Variants in SRRM4 observed in about 807,000 individuals in gnomAD.
The protein encoded by SRRM4 is serine/arginine repetitive matrix 4.
In SRRM4, 33 loss-of-function variants were observed where a neutral mutation model predicts 68.9. The ratio of observed to expected loss-of-function variants is 0.48; its 90% CI spans 0.36 to 0.64. SRRM4 has a LOEUF of 0.64. Among genes scored for constraint, SRRM4 ranks in the 30% least tolerant of loss-of-function variants. The probability of loss-of-function intolerance (pLI) is 0.00; values close to 1 mark genes in which losing one functional copy is unlikely to be tolerated. For missense variants in SRRM4, 817 were observed against 827.1 expected, an observed-to-expected ratio of 0.99 and a Z score of 0.15; for synonymous variants, 318 against 318.8, an observed-to-expected ratio of 1.00 and a Z score of 0.03.
intron 6 of SRRM4, 89 bp downstream of exon 6, chr12:119,122,209 T>C: frequency 1.2e-6 from 1 of 857,882 alleles, no homozygotes; most frequent in South Asian, 1.6e-5. Flanking sequence ...AGTTGCCAAA[T>C]AAACAGGGAA....
chr12:119,100,809 A>T (rs897522802), intron 1 of SRRM4, among the ~76,000 whole-genome samples: 13 of 152,172 alleles, frequency 8.5e-5, no homozygotes, highest in African/African-American at 2.9e-4. Context: ...AAAGACATGG[A>T]AAGGTAACCC....
rs796836951 is a variant in SRRM4, at chr12:118,982,685, T to G, written c.131+672T>G. 1.2e-4 allele frequency among the ~76,000 whole-genome samples: 15 copies of G among 121,436 alleles called. No homozygotes were observed. The South Asian group carries it at 1.5e-3, about 12-fold the overall frequency. The allele number at this position is 121,436 out of a possible 152,430, so 79.7% of individuals were successfully genotyped here. On this transcript the variant is annotated intron_variant, in intron 1 of 12. Coordinates refer to ENST00000267260, the MANE Select transcript of SRRM4 (RefSeq NM_194286.4). ...TTTTATTTTGTTTTTTTTTGTTTTT[T>G]TTTTTTTTTTCCAAAAAGAATCTGA...
intron 1 of SRRM4, among the ~76,000 whole-genome samples, chr12:118,985,569 T>C (rs1953277080): frequency 6.6e-6 from 1 of 152,186 alleles, no homozygotes; most frequent in Admixed American, 6.5e-5. Context: ...GGATGTACAG[T>C]GGTCCTTGTC....
chr12:119,084,895 A>G (rs954680357), intron 1 of SRRM4, among the ~76,000 whole-genome samples: 1 of 152,138 alleles, frequency 6.6e-6, no homozygotes, highest in Admixed American at 6.6e-5. Flanking sequence ...GTTTTTAAAA[A>G]TATTTATTTC....
intron 1 of SRRM4, among the ~76,000 whole-genome samples, chr12:119,037,788 C>G (rs539129465): frequency 2.6e-5 from 4 of 152,154 alleles, no homozygotes; most frequent in African/African-American, 4.8e-5. Context: ...GGCCAGAGCC[C>G]AGATTTAGGA....
intron 1 of SRRM4, among the ~76,000 whole-genome samples, chr12:119,065,405 A>T (rs1953839557): frequency 6.6e-6 from 1 of 152,166 alleles, no homozygotes; most frequent in Admixed American, 6.5e-5. Context: ...ACTATGTAGG[A>T]CCTAACACAG....
rs2136068728 is a variant in SRRM4, at chr12:119,151,149, C to A, written c.1209C>A (p.His403Gln). 6.2e-7 allele frequency: 1 copy of A among 1,613,972 alleles called. No individual in the cohort carries two copies. The highest frequency in any genetic ancestry group is 1.7e-5 in the Admixed American group (1 of 60,030). The change falls in exon 10 of 13, where the codon CAC becomes CAA. Residue 403 changes from histidine to glutamine, a missense_variant. Transcript: ENST00000267260. ...SSYASTRSSS[H>Q]SSRSPNPRAS... ...ATGCCAGCACCCGATCCTCCAGTCACTCGTCCCGATCCCCAAATCCCAGGG... is the reference window on the plus strand; with the variant it reads ...ATGCCAGCACCCGATCCTCCAGTCAATCGTCCCGATCCCCAAATCCCAGGG...
intron 1 of SRRM4, among the ~76,000 whole-genome samples, chr12:119,068,043 G>A (rs1045225669): frequency 2.0e-5 from 3 of 152,210 alleles, no homozygotes; most frequent in African/African-American, 7.2e-5. Context: ...AGTCCACTAG[G>A]AATGTCCAAG....
chr12:119,014,024 T>C (rs1004442514), intron 1 of SRRM4, among the ~76,000 whole-genome samples: 1 of 152,146 alleles, frequency 6.6e-6, no homozygotes, highest in African/African-American at 2.4e-5. Flanking sequence ...ACTTGATAAG[T>C]TGGAGAATTA....
intron 2 of SRRM4, among the ~76,000 whole-genome samples, chr12:119,110,976 T>C (rs752889822): frequency 4.6e-5 from 7 of 152,208 alleles, no homozygotes; most frequent in South Asian, 2.1e-4. Context: ...GCATATTTAA[T>C]TGATGCATGT....
intron 1 of SRRM4, among the ~76,000 whole-genome samples, chr12:119,070,013 A>G (rs549064175): frequency 2.0e-4 from 30 of 152,260 alleles, no homozygotes; most frequent in African/African-American, 7.2e-4. Flanking sequence ...GGCCGGGGGC[A>G]CTGCTAACCA....
At chr12:119,131,594 G>A (rs1202932122) in intron 8 of SRRM4, among the ~76,000 whole-genome samples, 1 of 152,216 alleles carries the variant, frequency 6.6e-6, no homozygotes, top group Non-Finnish European at 1.5e-5. Context: ...TTGACACCAT[G>A]AGCAAGAGAC....
At chr12:119,125,548 T>C (rs1954253110) in intron 7 of SRRM4, 69 bp downstream of exon 7, 1 of 1,321,894 alleles carries the variant, frequency 7.6e-7, no homozygotes, top group Non-Finnish European at 1.1e-6. Context: ...CTGTTAACAC[T>C]AGCTTCGCCT....
chr12:119,134,115 G>A (rs1184599091), intron 8 of SRRM4, among the ~76,000 whole-genome samples: 1 of 152,156 alleles, frequency 6.6e-6, no homozygotes, highest in Admixed American at 6.5e-5. Context: ...GCCATATTTG[G>A]TTACAGATAT....
intron 2 of SRRM4, among the ~76,000 whole-genome samples, chr12:119,108,395 G>C (rs537602963): frequency 3.3e-5 from 5 of 152,254 alleles, no homozygotes; most frequent in Admixed American, 3.3e-4. Flanking sequence ...TCATTGATCT[G>C]TCTAATGTTG....
intron 1 of SRRM4, among the ~76,000 whole-genome samples, chr12:119,100,702 G>A (rs1954073194): frequency 6.6e-6 from 1 of 152,192 alleles, no homozygotes; most frequent in South Asian, 2.1e-4. Flanking sequence ...ACAAGTATGG[G>A]AAGAGGCAAG....
chr12:119,115,137 G>C (rs899655254), intron 3 of SRRM4, among the ~76,000 whole-genome samples: 1 of 151,998 alleles, frequency 6.6e-6, no homozygotes, highest in Non-Finnish European at 1.5e-5. Flanking sequence ...CACAGAGGTG[G>C]TGACAGGATC....
At chr12:119,058,719 A>G (rs1362557525) in intron 1 of SRRM4, among the ~76,000 whole-genome samples, 1 of 152,146 alleles carries the variant, frequency 6.6e-6, no homozygotes, top group East Asian at 1.9e-4. Flanking sequence ...AGTGGAGACA[A>G]GCCAGTTACT....
rs111840624 is a variant in SRRM4, at chr12:119,135,867, C to T, written c.771+5033C>T. 1.9e-3 allele frequency among the ~76,000 whole-genome samples: 287 copies of T among 152,218 alleles called. 2 individuals carry two copies. Among genetic ancestry groups the T allele is most frequent in the African/African-American group, 6.3e-3 (260 of 41,524 alleles). On this transcript the variant is annotated intron_variant, in intron 8 of 12. Coordinates refer to ENST00000267260, the MANE Select transcript of SRRM4 (RefSeq NM_194286.4). ...ACATGACCTCCTCTGTGCCATTTCA[C>T]GTCTTTGGGCCTCATATCCTTATCT... is the stretch of plus-strand genomic sequence containing the variant.
Sources: allele counts gnomAD v4.1 joint callset (sites outside exome capture counted in the v4.1 genomes callset), GRCh38; gene constraint gnomAD v4.1.1; transcripts MANE v1.5; gene names NCBI Gene and HGNC (gene_info 2026-07-23, HGNC 2026-07-21).